The following NLK variants were observed in gnomAD, a reference collection of about 807,000 sequenced individuals.
NLK encodes serine/threonine-protein kinase NLK.
Under a neutral mutation model 59.0 loss-of-function variants are expected in NLK, and 11 were observed. The observed-to-expected ratio is 0.19, with a 90% CI of 0.12 to 0.31. The LOEUF (loss-of-function observed/expected upper bound fraction) is 0.31. Among genes scored for constraint, NLK ranks in the 10% least tolerant of loss-of-function variants. The pLI, the probability that NLK is intolerant of heterozygous loss-of-function variation, is 1.00. For synonymous variants in NLK, 235 were observed against 235.9 expected (o/e 1.00, Z 0.03); for missense variants, 410 against 661.1 (o/e 0.62, Z 4.16).
At chr17:28,158,196 C>G (rs1475025363) in intron 3 of NLK, among the ~76,000 whole-genome samples, 2 of 152,154 alleles carry the variant, frequency 1.3e-5, no homozygotes, top group Non-Finnish European at 2.9e-5. Flanking sequence ...AGGCTACAAA[C>G]CTGTACAACT....
Position 28,042,709 on chromosome 17 carries a change from C to T in NLK, c.-165C>T, listed in dbSNP as rs1908891069. ...CAACCCACACCCTTCCACACACGCTCACCCCAAAATTAAACACCAAGATCC... is the reference window on the plus strand; with the variant it reads ...CAACCCACACCCTTCCACACACGCTTACCCCAAAATTAAACACCAAGATCC... On this transcript the variant is annotated 5_prime_UTR_variant, in exon 1 of 11. Coordinates refer to ENST00000407008, the MANE Select transcript of NLK (RefSeq NM_016231.5). 1.7e-6 allele frequency: 1 copy of T among 583,314 alleles called. No individual in the cohort carries two copies. The highest frequency in any genetic ancestry group is 2.8e-6 in the Non-Finnish European group (1 of 355,864). 36.1% of individuals were successfully genotyped at this position (583,314 alleles called of 1,614,324 possible).
At chr17:28,060,008 A>T (rs922458619) in intron 1 of NLK, among the ~76,000 whole-genome samples, 1 of 152,236 alleles carries the variant, frequency 6.6e-6, no homozygotes, top group East Asian at 1.9e-4. Context: ...CTAAGTTTAT[A>T]TAACATAGTT....
At chr17:28,199,149 T>A (rs978005698), downstream of NLK, among the ~76,000 whole-genome samples, 1 of 152,140 alleles carries the variant, frequency 6.6e-6, no homozygotes, top group Non-Finnish European at 1.5e-5. Flanking sequence ...AGCTACGAAG[T>A]TTTGGGGAAA....
At chr17:28,076,833 G>A (rs1245845230) in intron 1 of NLK, among the ~76,000 whole-genome samples, 1 of 152,106 alleles carries the variant, frequency 6.6e-6, no homozygotes, top group Non-Finnish European at 1.5e-5. Flanking sequence ...ACCAAATTAA[G>A]TGCAATGTAG....
At chr17:28,124,808 G>A (rs911105489) in intron 2 of NLK, among the ~76,000 whole-genome samples, 2 of 151,952 alleles carry the variant, frequency 1.3e-5, no homozygotes, top group Non-Finnish European at 2.9e-5. Context: ...CCAGCACTTT[G>A]GGAGGCCAAG....
intron 3 of NLK, among the ~76,000 whole-genome samples, chr17:28,152,622 T>A (rs528898616): frequency 6.6e-6 from 1 of 152,172 alleles, no homozygotes; most frequent in African/African-American, 2.4e-5. Flanking sequence ...ACATAAATGC[T>A]TTATACTTTT....
downstream of NLK, among the ~76,000 whole-genome samples, chr17:28,197,131 T>A (rs1408921348): frequency 6.6e-6 from 1 of 152,182 alleles, no homozygotes; most frequent in African/African-American, 2.4e-5. Context: ...AAACCAGTTT[T>A]ATCACTTACA....
At chr17:28,183,225 A>G (rs936056677) in intron 7 of NLK, among the ~76,000 whole-genome samples, 4 of 152,258 alleles carry the variant, frequency 2.6e-5, no homozygotes, top group Admixed American at 6.5e-5. Flanking sequence ...GGAAGAGATC[A>G]GATCCAGATA....
chr17:28,078,211 G>A (rs1910231539), intron 1 of NLK, among the ~76,000 whole-genome samples: 1 of 151,932 alleles, frequency 6.6e-6, no homozygotes, highest in African/African-American at 2.4e-5. Flanking sequence ...TTAGATCATT[G>A]CATATCCAGT....
chr17:28,149,595 G>A (rs776862679), intron 3 of NLK, among the ~76,000 whole-genome samples: 8 of 152,070 alleles, frequency 5.3e-5, no homozygotes, highest in Non-Finnish European at 1.2e-4. Context: ...TATCTTTGTT[G>A]TGCAACTTTG....
chr17:28,122,120 A>G (rs1050104360), intron 1 of NLK, among the ~76,000 whole-genome samples: 4 of 152,240 alleles, frequency 2.6e-5, no homozygotes, highest in African/African-American at 9.6e-5. Context: ...ATTGAAGTCC[A>G]TATTACTAAA....
intron 10 of NLK, 36 bp from the exon 11 acceptor site, chr17:28,194,546 A>T: frequency 6.6e-7 from 1 of 1,526,550 alleles, no homozygotes; most frequent in Middle Eastern, 1.7e-4. Flanking sequence ...CCATTGTGAC[A>T]TTACAACTAA....
chr17:28,161,084 T>A, intron 3 of NLK, 76 bp from the exon 4 acceptor site: 1 of 786,716 alleles, frequency 1.3e-6, no homozygotes, highest in South Asian at 1.5e-5. Flanking sequence ...ATGGAAGTTA[T>A]TTTTTAGATC....
At chr17:28,188,875 T>C (rs951875288) in intron 8 of NLK, among the ~76,000 whole-genome samples, 1 of 152,184 alleles carries the variant, frequency 6.6e-6, no homozygotes, top group African/African-American at 2.4e-5. Context: ...TTAAGCAGTC[T>C]ACTGCCATCA....
At chr17:28,055,409 ATAGTG>A (rs1401300133) in intron 1 of NLK, among the ~76,000 whole-genome samples, 1 of 150,954 alleles carries the variant, frequency 6.6e-6, no homozygotes, top group Non-Finnish European at 1.5e-5. Flanking sequence ...TTTTTTTAGT[ATAGTG>A]GTGCCTTGAA....
At chr17:28,163,324 G>A (rs1018167277) in intron 4 of NLK, among the ~76,000 whole-genome samples, 7 of 152,198 alleles carry the variant, frequency 4.6e-5, no homozygotes, top group Non-Finnish European at 8.8e-5. Context: ...TTAAATTATA[G>A]ACATTATCTC....
intron 2 of NLK, among the ~76,000 whole-genome samples, chr17:28,127,721 G>A (rs2142825200): frequency 6.6e-6 from 1 of 152,224 alleles, no homozygotes; most frequent in Middle Eastern, 3.4e-3. Context: ...ATGTCTATAT[G>A]CGTATGGAAA....
intron 1 of NLK, among the ~76,000 whole-genome samples, chr17:28,097,778 A>G (rs1173747499): frequency 1.3e-5 from 2 of 152,168 alleles, no homozygotes; most frequent in Admixed American, 6.5e-5. Flanking sequence ...AGTTTTAGCA[A>G]CTAGGAAACC....
intron 1 of NLK, among the ~76,000 whole-genome samples, chr17:28,046,410 A>G (rs1373870417): frequency 6.6e-6 from 1 of 152,170 alleles, no homozygotes; most frequent in Admixed American, 6.5e-5. Context: ...TGGTAATGTG[A>G]TTGTGGGATA....
Sources: allele counts gnomAD v4.1 joint callset (sites outside exome capture counted in the v4.1 genomes callset), GRCh38; gene constraint gnomAD v4.1.1; transcripts MANE v1.5; gene names NCBI Gene and HGNC (gene_info 2026-07-23, HGNC 2026-07-21).